The following POLA1 variants were observed in gnomAD, a reference collection of about 807,000 sequenced individuals.
POLA1 encodes the protein DNA polymerase alpha 1, catalytic subunit, also known as DNA polymerase alpha catalytic subunit.
In POLA1, 15 loss-of-function variants were observed where a neutral mutation model predicts 124.0. The ratio of observed to expected loss-of-function variants is 0.12; its 90% CI spans 0.08 to 0.19. POLA1 has a LOEUF of 0.19. POLA1 is among the 10% of genes least tolerant of loss of function. The pLI is 1.00. For missense variants in POLA1, 886 were observed against 1,103.4 expected (o/e 0.80, Z 2.79); for synonymous variants, 408 against 389.4 (o/e 1.05, Z -0.56).
chrX:24,742,545 C>T (rs1291296240), intron 22 of POLA1, among the ~76,000 whole-genome samples: 2 of 112,324 alleles, frequency 1.8e-5, no homozygotes, highest in Non-Finnish European at 3.8e-5. Context: ...CTGAAGTAGC[C>T]TCCATCACTT....
chrX:24,811,635 T>G (rs1382565352), intron 28 of POLA1, among the ~76,000 whole-genome samples: 1 of 86,880 alleles, frequency 1.2e-5, no homozygotes, highest in Non-Finnish European at 2.5e-5. Context: ...GAGGGTGAAA[T>G]TCAAAGGTTT....
chrX:24,964,220 C>T (rs145091542), intron 36 of POLA1, among the ~76,000 whole-genome samples: 1 of 112,365 alleles, frequency 8.9e-6, no homozygotes, highest in Non-Finnish European at 1.9e-5. Flanking sequence ...TAATAAATGT[C>T]TTATGATAAT....
chrX:24,756,517 C>T (rs1353317569), intron 26 of POLA1, among the ~76,000 whole-genome samples: 2 of 108,523 alleles, frequency 1.8e-5, no homozygotes, highest in African/African-American at 3.4e-5. Context: ...GAGCCGAGAC[C>T]GCATCACTGC....
At chrX:24,974,451 A>G (rs1005429068) in intron 36 of POLA1, among the ~76,000 whole-genome samples, 2 of 111,762 alleles carry the variant, frequency 1.8e-5, no homozygotes, top group Admixed American at 1.9e-4. Context: ...ACACATATAC[A>G]CCATGGAATA....
chrX:24,865,885 A>G (rs1028334780), intron 34 of POLA1, among the ~76,000 whole-genome samples: 1 of 111,625 alleles, frequency 9.0e-6, no homozygotes, highest in East Asian at 2.8e-4. Flanking sequence ...AATGATTATA[A>G]GGATTAAGAA....
At chrX:24,790,343 A>G (rs775692170) in intron 26 of POLA1, among the ~76,000 whole-genome samples, 6 of 112,196 alleles carry the variant, frequency 5.3e-5, no homozygotes, top group Admixed American at 1.9e-4. Context: ...TGTAATACAA[A>G]TGACCCTTTA....
chrX:24,793,141 G>C (rs1422862269), intron 26 of POLA1, among the ~76,000 whole-genome samples: 3 of 108,814 alleles, frequency 2.8e-5, no homozygotes, highest in African/African-American at 1.0e-4. Flanking sequence ...GCCGGGTGTG[G>C]TGGCAGGTGC....
At chrX:24,728,839 G>T (rs1780548712) in intron 15 of POLA1, among the ~76,000 whole-genome samples, 1 of 111,726 alleles carries the variant, frequency 9.0e-6, no homozygotes. Context: ...CCATATTTAG[G>T]CCTGCAAAGC....
At chrX:24,805,637 G>C (rs767468299) in intron 26 of POLA1, among the ~76,000 whole-genome samples, 5 of 111,763 alleles carry the variant, frequency 4.5e-5, no homozygotes, top group Non-Finnish European at 7.5e-5. Context: ...ACTTTGTTAA[G>C]GGAAAAATTA....
rs772782830 is a variant in POLA1 at position 24,810,754 on chromosome X, A to G, written c.3044A>G (p.Asn1015Ser). Residue 1015 changes from asparagine (N) to serine (S), a missense_variant, in exon 28 of 37, where the codon AAC becomes AGC. By Grantham distance (46) the Asn-to-Ser change is conservative. This residue lies in a region of POLA1 where 313 missense variants were observed against 359.7 expected (regional missense o/e 0.87). Coordinates refer to ENST00000379068, the MANE Select transcript of POLA1 (RefSeq NM_001330360.2). ...GGAGATACAGATTCAATTATGATAAACACCAATAGCACCAATCTGGAAGAA... is the reference window on the plus strand; with the variant it reads ...GGAGATACAGATTCAATTATGATAAGCACCAATAGCACCAATCTGGAAGAA... ...IYGDTDSIMI[N>S]TNSTNLEEVF... The G allele has an allele frequency of 2.4e-5, 27 of 1,114,985 alleles. No individual in the cohort carries two copies. The South Asian group carries it at 4.6e-4, about 19-fold the overall frequency. 91.9% of individuals were successfully genotyped at this position (1,114,985 alleles called of 1,213,427 possible).
chrX:24,727,742 A>C, intron 14 of POLA1, 40 bp from the exon 15 acceptor site: 1 of 1,099,757 alleles, frequency 9.1e-7, no homozygotes, highest in Non-Finnish European at 1.2e-6. Context: ...TTTCTTTTTC[A>C]GTAAATAGCT....
chrX:24,970,428 T>G (rs1258312444), intron 36 of POLA1, among the ~76,000 whole-genome samples: 2 of 111,961 alleles, frequency 1.8e-5, no homozygotes, highest in African/African-American at 6.5e-5. Context: ...CAAAAGCAAT[T>G]GCAACAAAAG....
intron 4 of POLA1, among the ~76,000 whole-genome samples, chrX:24,709,236 C>G (rs1212018851): frequency 2.9e-5 from 2 of 69,208 alleles, no homozygotes; most frequent in South Asian, 6.2e-4. Flanking sequence ...GCTGGCCGGG[C>G]GGGGGGCTGA....
chrX:24,934,031 G>A (rs1221163003), intron 36 of POLA1, among the ~76,000 whole-genome samples: 1 of 111,674 alleles, frequency 9.0e-6, no homozygotes, highest in Admixed American at 9.5e-5. Context: ...ATTCAAAGGC[G>A]GTTTTACAGG....
At chrX:24,811,296 CAT>C (rs2045896831) in intron 28 of POLA1, among the ~76,000 whole-genome samples, 1 of 105,029 alleles carries the variant, frequency 9.5e-6, no homozygotes, top group Non-Finnish European at 1.9e-5. Context: ...TGTTTTGACA[CAT>C]AGTCTCGCTG....
chrX:24,874,498 T>A (rs754275147), intron 34 of POLA1, among the ~76,000 whole-genome samples: 1 of 111,780 alleles, frequency 8.9e-6, no homozygotes, highest in African/African-American at 3.2e-5. Context: ...AAAGAGTAAA[T>A]GTAGAAAGAG....
At chrX:24,960,818 CTAGGTTGTATCCTAACCAGCACAATT>C (rs1300055147) in intron 36 of POLA1, among the ~76,000 whole-genome samples, 1 of 111,923 alleles carries the variant, frequency 8.9e-6, no homozygotes, top group Admixed American at 9.5e-5. Flanking sequence ...AGGACATTCA[CTAGGTTGTATCCTAACCAGCACAATT>C]TGATACGTAT....
intron 36 of POLA1, among the ~76,000 whole-genome samples, chrX:24,975,574 G>T (rs941916829): frequency 9.8e-5 from 11 of 111,975 alleles, no homozygotes; most frequent in African/African-American, 3.2e-4. Context: ...TCAATCTGTG[G>T]TAACATCACA....
At chrX:24,811,889 G>T (rs1264967207) in intron 28 of POLA1, among the ~76,000 whole-genome samples, 1 of 112,213 alleles carries the variant, frequency 8.9e-6, no homozygotes, top group Non-Finnish European at 1.9e-5. Context: ...ATCATTTGTA[G>T]CCTCTTAATA....
Sources: allele counts gnomAD v4.1 joint callset (sites outside exome capture counted in the v4.1 genomes callset), GRCh38; gene constraint gnomAD v4.1.1; regional missense constraint gnomAD v4.1.1; transcripts MANE v1.5; gene names NCBI Gene and HGNC (gene_info 2026-07-23, HGNC 2026-07-21).